CDH22: variants seen among roughly 807,000 people sequenced by gnomAD.
CDH22 encodes cadherin 22, also known as cadherin-22.
In CDH22, 30 loss-of-function variants were observed where a neutral mutation model predicts 58.4. The observed-to-expected ratio is 0.51, with a 90% CI of 0.38 to 0.70. The LOEUF (loss-of-function observed/expected upper bound fraction) is 0.70. Ranked by LOEUF, CDH22 falls within the 30% of genes least tolerant of loss-of-function variation. CDH22 has a pLI of 0.00. For missense variants in CDH22, 1,014 were observed against 1,233.9 expected, an observed-to-expected ratio of 0.82 and a Z score of 2.67; for synonymous variants, 513 against 558.2, an observed-to-expected ratio of 0.92 and a Z score of 1.14.
chr20:46,200,036 C>T (rs565749855), intron 7 of CDH22, among the ~76,000 whole-genome samples: 1 of 152,136 alleles, frequency 6.6e-6, no homozygotes, highest in Non-Finnish European at 1.5e-5. Flanking sequence ...TGCAATGGCA[C>T]CATCTTGGCT....
At chr20:46,284,555 G>A (rs1429362861) in intron 1 of CDH22, among the ~76,000 whole-genome samples, 2 of 152,198 alleles carry the variant, frequency 1.3e-5, no homozygotes, top group East Asian at 3.9e-4. Flanking sequence ...AGAGGTGGAG[G>A]TGCAGACTCA....
chr20:46,307,636 G>T (rs1304928748), intron 1 of CDH22, among the ~76,000 whole-genome samples: 4 of 152,080 alleles, frequency 2.6e-5, no homozygotes, highest in Non-Finnish European at 5.9e-5. Flanking sequence ...CCTGTGGGCC[G>T]CCTCCCCGGC....
intron 3 of CDH22, among the ~76,000 whole-genome samples, chr20:46,229,758 T>C (rs1290521546): frequency 5.3e-5 from 8 of 152,080 alleles, no homozygotes; most frequent in Admixed American, 1.3e-4. Context: ...TGGGAGAAGA[T>C]ACATAAAGCA....
chr20:46,181,158 C>G (rs2085781451), intron 10 of CDH22, among the ~76,000 whole-genome samples: 1 of 152,178 alleles, frequency 6.6e-6, no homozygotes, highest in Non-Finnish European at 1.5e-5. Flanking sequence ...GCTACACCAG[C>G]TCGCTGCTGG....
rs987821356 is a variant in CDH22 at position 46,210,251 on chromosome 20, C to T, written c.1286+56G>A. On this transcript the variant is annotated intron_variant, in intron 7 of 11. Coordinates refer to ENST00000537909, the MANE Select transcript of CDH22 (RefSeq NM_021248.3). The surrounding 1 kb of genome is among the most constrained non-coding windows in gnomAD (Gnocchi z 4.5). ...CTCCCCTCTGCCCGCAGTCTGTCCG[C>T]GGGGGTGATGGCGGGATAGCAGGCA... 2 of 1,359,680 alleles carry T rather than the reference C, an allele frequency of 1.5e-6. No individual in the cohort carries two copies. Among genetic ancestry groups the T allele is most frequent in the South Asian group, 1.7e-5 (1 of 59,614 alleles). The allele number at this position is 1,359,680 out of a possible 1,614,324, so 84.2% of individuals were successfully genotyped here. A position where few individuals can be genotyped will look rare whatever the true frequency, so the allele number is the denominator to read the frequency against.
chr20:46,229,837 A>G (rs958326968), intron 3 of CDH22, among the ~76,000 whole-genome samples: 3 of 151,774 alleles, frequency 2.0e-5, no homozygotes, highest in Non-Finnish European at 2.9e-5. Context: ...TCTCCCTGTC[A>G]CTCCCCTGGC....
intron 1 of CDH22, among the ~76,000 whole-genome samples, chr20:46,297,867 C>T (rs985568723): frequency 6.6e-5 from 10 of 152,152 alleles, no homozygotes; most frequent in Middle Eastern, 3.4e-3. Flanking sequence ...TCAGCTGACC[C>T]ATCCTAGCCA....
rs1282575585 is a variant in CDH22, at chr20:46,210,264, G to A, written c.1286+43C>T. ...GCAGTCTGTCCGCGGGGGTGATGGC[G>A]GGATAGCAGGCAGCAGGCGTCGGCC... On this transcript the variant is annotated intron_variant, in intron 7 of 11. Transcript: ENST00000537909. This position sits in a 1 kb window ranked among gnomAD's most constrained non-coding sequence, Gnocchi z 4.5. The A allele has an allele frequency of 2.2e-6, 3 of 1,366,504 alleles. No homozygotes were observed. The highest frequency in any genetic ancestry group is 2.8e-6 in the Non-Finnish European group (3 of 1,065,066). The allele number at this position is 1,366,504 out of a possible 1,614,324, so 84.6% of individuals were successfully genotyped here. A position where few individuals can be genotyped will look rare whatever the true frequency, so the allele number is the denominator to read the frequency against.
Position 46,308,089 on chromosome 20 carries a change from G to A in CDH22, c.-400+166C>T, listed in dbSNP as rs1454794489. Among the ~76,000 whole-genome samples the A allele has an allele frequency of 8.6e-5, 13 of 151,384 alleles. No individual in the cohort carries two copies. The highest frequency in any genetic ancestry group is 1.6e-4 in the Non-Finnish European group (11 of 67,782). On this transcript the variant is annotated intron_variant, in intron 1 of 11. Coordinates refer to ENST00000537909, the MANE Select transcript of CDH22 (RefSeq NM_021248.3). The surrounding 1 kb of genome is among the most constrained non-coding windows in gnomAD (Gnocchi z 4.3). The stretch of plus-strand genomic sequence containing the variant: ...CCGCCCTCCCGGCCGAGAGGAGGGG[G>A]CGCGCAGGGCCGGGCGCAGGCACCC...
chr20:46,254,868 T>C (rs532950311), intron 1 of CDH22, among the ~76,000 whole-genome samples: 7 of 152,030 alleles, frequency 4.6e-5, no homozygotes, highest in African/African-American at 1.4e-4. Context: ...GTCCAGAGGT[T>C]GGAATGAGCT....
chr20:46,227,443 C>A lies in CDH22; in HGVS notation c.670+65G>T, dbSNP rs528793672. ...GCTCAGAGCAGACGTCTGGGGTGGT[C>A]CTCGTCCCGCCCCGCCCCTGGCCCC... On this transcript the variant is annotated intron_variant, in intron 4 of 11. Coordinates refer to ENST00000537909, the MANE Select transcript of CDH22 (RefSeq NM_021248.3). 62 of 1,410,280 alleles carry A rather than the reference C, an allele frequency of 4.4e-5. No individual in the cohort carries two copies. In the East Asian group the frequency reaches 7.9e-4, roughly 18 times the overall value. 87.4% of individuals were successfully genotyped at this position (1,410,280 alleles called of 1,614,324 possible).
intron 1 of CDH22, among the ~76,000 whole-genome samples, chr20:46,297,808 G>T (rs992088869): frequency 1.1e-4 from 17 of 152,014 alleles, no homozygotes; most frequent in African/African-American, 4.1e-4. Context: ...TTGTTTTGGG[G>T]ATTAAATGCA....
chr20:46,307,899 G>A (rs2059030988), intron 1 of CDH22, among the ~76,000 whole-genome samples: 1 of 151,930 alleles, frequency 6.6e-6, no homozygotes, highest in South Asian at 2.1e-4. Flanking sequence ...CTTTTGGCGC[G>A]CCGGCTCGGC....
At chr20:46,265,692 G>A (rs548041752) in intron 1 of CDH22, among the ~76,000 whole-genome samples, 13 of 152,218 alleles carry the variant, frequency 8.5e-5, no homozygotes, top group African/African-American at 1.9e-4. Flanking sequence ...TGTGAGATTC[G>A]TCTTTGTTCT....
chr20:46,245,596 T>C (rs2145731153), intron 2 of CDH22, among the ~76,000 whole-genome samples: 1 of 152,264 alleles, frequency 6.6e-6, no homozygotes, highest in South Asian at 2.1e-4. Flanking sequence ...GGGCCAAGCA[T>C]CTGGCTGTTT....
In CDH22 at chr20:46,203,767, G is replaced by T. The variant is rs142456336; in HGVS notation, c.1287-4208C>A. The stretch of plus-strand genomic sequence containing the variant: ...GTGTGGCTTGCATGCCTGGGGGCGG[G>T]GAGGTAAGATGTAGGGACACAGTAG... On this transcript the variant is annotated intron_variant, in intron 7 of 11. Coordinates refer to ENST00000537909, the MANE Select transcript of CDH22 (RefSeq NM_021248.3). Among the ~76,000 whole-genome samples, 1,261 of 152,328 alleles carry T rather than the reference G, an allele frequency of 8.3e-3. 8 individuals are homozygous for T. Among genetic ancestry groups the T allele is most frequent in the Middle Eastern group, 0.014 (4 of 292 alleles).
At chr20:46,208,748 C>T (rs2086018486) in intron 7 of CDH22, among the ~76,000 whole-genome samples, 2 of 152,156 alleles carry the variant, frequency 1.3e-5, no homozygotes, top group Non-Finnish European at 2.9e-5. Context: ...TGTGCGCTAC[C>T]ACACCCGGCT....
chr20:46,183,478 G>C (rs1381627633), intron 10 of CDH22, among the ~76,000 whole-genome samples: 1 of 152,144 alleles, frequency 6.6e-6, no homozygotes, highest in African/African-American at 2.4e-5. Flanking sequence ...TTCCAGGCTG[G>C]AGTGCAGTGG....
chr20:46,238,475 A>G (rs2086269047), intron 3 of CDH22, among the ~76,000 whole-genome samples: 1 of 152,178 alleles, frequency 6.6e-6, no homozygotes, highest in Non-Finnish European at 1.5e-5. Context: ...CCTCCTCTGA[A>G]CCTGGATATT....
Sources: allele counts gnomAD v4.1 joint callset (sites outside exome capture counted in the v4.1 genomes callset), GRCh38; gene constraint gnomAD v4.1.1; non-coding constraint Gnocchi (gnomAD v3.1); transcripts MANE v1.5; gene names NCBI Gene and HGNC (gene_info 2026-07-23, HGNC 2026-07-21).